PIWIL2: variants seen among roughly 807,000 people sequenced by gnomAD.
The protein encoded by PIWIL2 is piwi-like protein 2.
Under a neutral mutation model 116.5 loss-of-function variants are expected in PIWIL2, and 81 were observed. That is an observed-to-expected ratio of 0.70 (90% confidence interval 0.58 to 0.84). The LOEUF is 0.84. PIWIL2 is among the 40% of genes least tolerant of loss of function. PIWIL2 has a pLI of 0.00. For synonymous variants in PIWIL2, 489 were observed against 429.5 expected (o/e 1.14, Z -1.71); for missense variants, 1,272 against 1,212.3 (o/e 1.05, Z -0.73).
intron 11 of PIWIL2, 108 bp downstream of exon 11, chr8:22,304,317 A>G: frequency 2.9e-6 from 2 of 694,416 alleles, no homozygotes; most frequent in South Asian, 3.8e-5. Context: ...CACTTTTCAA[A>G]ATAATTGAAT....
intron 17 of PIWIL2, among the ~76,000 whole-genome samples, chr8:22,314,696 G>C (rs537277795): frequency 5.3e-5 from 8 of 152,274 alleles, no homozygotes; most frequent in African/African-American, 1.7e-4. Flanking sequence ...TTCTGAGAGT[G>C]AATATAGGCT....
At chr8:22,328,418 C>G (rs918909925) in intron 20 of PIWIL2, among the ~76,000 whole-genome samples, 1 of 151,886 alleles carries the variant, frequency 6.6e-6, no homozygotes, top group Non-Finnish European at 1.5e-5. Context: ...ATTCAGTGCC[C>G]CCTTGGAATT....
intron 22 of PIWIL2, 72 bp downstream of exon 22, chr8:22,354,450 G>C (rs1832445888): frequency 1.1e-6 from 1 of 883,644 alleles, no homozygotes; most frequent in Non-Finnish European, 1.9e-6. Context: ...TGGGCTCACT[G>C]TTCACCCCAA....
intron 20 of PIWIL2, among the ~76,000 whole-genome samples, chr8:22,343,131 A>G (rs190200010): frequency 1.4e-4 from 22 of 151,980 alleles, no homozygotes; most frequent in African/African-American, 4.8e-4. Flanking sequence ...GGCCAGGCGC[A>G]GTGGCTCACA....
At chr8:22,312,585 G>A (rs750907557) in intron 16 of PIWIL2, among the ~76,000 whole-genome samples, 31 of 152,092 alleles carry the variant, frequency 2.0e-4, no homozygotes, top group Admixed American at 1.2e-3. Context: ...TTTTGATCTG[G>A]CACTCTTGGT....
At chr8:22,344,604 A>T (rs1212212449) in intron 20 of PIWIL2, among the ~76,000 whole-genome samples, 2 of 152,228 alleles carry the variant, frequency 1.3e-5, no homozygotes, top group Non-Finnish European at 2.9e-5. Flanking sequence ...ATGATGGCTC[A>T]TGCCTGTAAT....
rs1308596688 is a variant in PIWIL2, at chr8:22,353,038, A to G, written c.2483A>G (p.Tyr828Cys). ...GGCCAACTGAAGACAGTTGCCAACT[A>G]TGAGATTCCTCAACTACAGAAGTGT... ...SDGQLKTVANYEIPQLQKCFE... is the reference protein window; with the variant it reads ...SDGQLKTVANCEIPQLQKCFE... The change falls in exon 21 of 23, where the codon TAT becomes TGT. Residue 828 changes from tyrosine (Y) to cysteine (C), a missense_variant. By Grantham distance (194) the Tyr-to-Cys change is radical. Transcript: ENST00000356766. 6.2e-7 allele frequency: 1 copy of G among 1,613,986 alleles called. No homozygotes were observed.
chr8:22,304,919 C>A, intron 12 of PIWIL2, 51 bp downstream of exon 12: 1 of 1,260,064 alleles, frequency 7.9e-7, no homozygotes, highest in Non-Finnish European at 1.2e-6. Context: ...TTCATCCTGT[C>A]AGCTGCTTTT....
At chr8:22,352,582 T>A (rs1832397738) in intron 20 of PIWIL2, among the ~76,000 whole-genome samples, 1 of 152,204 alleles carries the variant, frequency 6.6e-6, no homozygotes, top group Admixed American at 6.5e-5. Flanking sequence ...ACACTTTACC[T>A]TATTCTTTGC....
At chr8:22,348,969 C>G (rs890555301) in intron 20 of PIWIL2, among the ~76,000 whole-genome samples, 1 of 152,018 alleles carries the variant, frequency 6.6e-6, no homozygotes, top group Non-Finnish European at 1.5e-5. Flanking sequence ...GCCTTGAACT[C>G]AGTGGTTAGT....
At position 22,287,560 on chromosome 8, in the gene PIWIL2, G is replaced by A; in HGVS notation, c.776G>A (p.Gly259Asp). ...GTGGAGTGCAAAAGCATGAGGTTCG[G>A]CATGTTGAAGGACCATCAAGCTGTC... is the stretch of plus-strand genomic sequence containing the variant. ...PNVECKSMRF[G>D]MLKDHQAVTG... Residue 259 changes from glycine (G) to aspartate (D), a missense_variant, in exon 7 of 23, where the codon GGC (glycine) becomes GAC (aspartate). Coordinates refer to ENST00000356766, the MANE Select transcript of PIWIL2 (RefSeq NM_018068.5). The A allele has an allele frequency of 6.2e-7, 1 of 1,613,598 alleles. No homozygotes were observed. Among genetic ancestry groups the A allele is most frequent in the Non-Finnish European group, 8.5e-7 (1 of 1,179,514 alleles).
rs1482452890 is a variant in PIWIL2 at position 22,330,741 on chromosome 8, T to TAAATAAAA, written c.2403+12469_2403+12470insTAAAAAAA. Among the ~76,000 whole-genome samples, 1,029 of 140,474 alleles carry TAAATAAAA rather than the reference T, an allele frequency of 7.3e-3. 3 individuals carry two copies. The highest frequency in any genetic ancestry group is 0.019 in the South Asian group (84 of 4,494). 92.2% of individuals were successfully genotyped at this position (140,474 alleles called of 152,430 possible). A position where few individuals can be genotyped will look rare whatever the true frequency, so the allele number is the denominator to read the frequency against. ...ATAAATAAATAAATAAATAAATAAATAAAAATAGTTGATATAAAGACTGTC... is the reference window on the plus strand; with the variant it reads ...ATAAATAAATAAATAAATAAATAAATAAATAAAAAAAAATAGTTGATATAAAGACTGTC... On this transcript the variant is annotated intron_variant, in intron 20 of 22. Coordinates refer to ENST00000356766, the MANE Select transcript of PIWIL2 (RefSeq NM_018068.5).
intron 9 of PIWIL2, 83 bp from the exon 10 acceptor site, chr8:22,290,150 A>G (rs539539486): frequency 1.3e-6 from 1 of 795,096 alleles, no homozygotes; most frequent in African/African-American, 1.7e-5. Context: ...GGGCAGTATC[A>G]CCTCAATGTT....
In PIWIL2 at chr8:22,351,440, CATATATATATATATATAT is replaced by C. The variant is rs71544885; in HGVS notation, c.2404-1493_2404-1476del. On this transcript the variant is annotated intron_variant, in intron 20 of 22. Coordinates refer to ENST00000356766, the MANE Select transcript of PIWIL2 (RefSeq NM_018068.5). ...ACCTGTAAGGAACAGTGCATACATA[CATATATATATATATATAT>C]ATATATATATATATATATATATATA... is the stretch of plus-strand genomic sequence containing the variant. Among the ~76,000 whole-genome samples the C allele has an allele frequency of 2.2e-3, 117 of 52,960 alleles. 4 individuals carry two copies. Among genetic ancestry groups the C allele is most frequent in the South Asian group, 4.0e-3 (3 of 752 alleles). 34.7% of individuals were successfully genotyped at this position (52,960 alleles called of 152,430 possible). A position where few individuals can be genotyped will look rare whatever the true frequency, so the allele number is the denominator to read the frequency against.
At chr8:22,310,877 C>T (rs184184661) in intron 15 of PIWIL2, among the ~76,000 whole-genome samples, 277 of 152,288 alleles carry the variant, frequency 1.8e-3, no homozygotes, top group Non-Finnish European at 3.0e-3. Flanking sequence ...TAGTGAGTTT[C>T]ATCCTGTTGT....
At chr8:22,288,783 C>A in intron 8 of PIWIL2, 117 bp downstream of exon 8, 4 of 846,688 alleles carry the variant, frequency 4.7e-6, no homozygotes, top group Non-Finnish European at 5.4e-6. Context: ...GGTTTGGAAG[C>A]ATTTAATGAA....
chr8:22,355,271 G>T, intron 22 of PIWIL2, 78 bp from the exon 23 acceptor site: 1 of 1,407,690 alleles, frequency 7.1e-7, no homozygotes, highest in Non-Finnish European at 1.0e-6. Context: ...TCATATCCCC[G>T]TGACTATTGT....
chr8:22,304,090 T>G lies in PIWIL2; in HGVS notation c.1251T>G (p.Ile417Met). 1 of 1,613,108 alleles carries G rather than the reference T, an allele frequency of 6.2e-7. No homozygotes were observed. The change falls in exon 11 of 23, where the codon ATT becomes ATG. Residue 417 changes from isoleucine (I) to methionine (M), a missense_variant. Ile to Met is a conservative substitution (Grantham distance 10). Coordinates refer to ENST00000356766, the MANE Select transcript of PIWIL2 (RefSeq NM_018068.5). ...DECTKLLVGNIVITRYNNRTY... is the reference protein window; with the variant it reads ...DECTKLLVGNMVITRYNNRTY... Reference sequence around the variant, plus strand: ...GTACTAAGCTTCTGGTTGGCAATATTGTTATCACCCGATATAACAATCGTA... The same window carrying G: ...GTACTAAGCTTCTGGTTGGCAATATGGTTATCACCCGATATAACAATCGTA...
At chr8:22,350,722 C>A (rs1832333841) in intron 20 of PIWIL2, among the ~76,000 whole-genome samples, 1 of 152,076 alleles carries the variant, frequency 6.6e-6, no homozygotes, top group African/African-American at 2.4e-5. Context: ...AAATTCTGGG[C>A]CAGAAGTGGT....
Sources: gnomAD v4.1 joint callset for allele counts (sites outside exome capture counted in the v4.1 genomes callset) on GRCh38, gnomAD v4.1.1 for gene constraint, MANE v1.5 for transcripts, NCBI Gene and HGNC (gene_info 2026-07-23, HGNC 2026-07-21) for gene names.